Variants in DNAH8 observed in about 807,000 individuals in gnomAD.
DNAH8 encodes the protein axonemal beta dynein heavy chain 8.
In DNAH8, 382 loss-of-function variants were observed where a neutral mutation model predicts 562.1. The observed-to-expected ratio is 0.68, with a 90% CI of 0.63 to 0.74. DNAH8 has a LOEUF of 0.74. Among genes scored for constraint, DNAH8 ranks in the 30% least tolerant of loss-of-function variants. The probability of loss-of-function intolerance (pLI) is 0.00; values close to 1 mark genes in which losing one functional copy is unlikely to be tolerated. For synonymous variants in DNAH8, 1,881 were observed against 1,919.4 expected, an observed-to-expected ratio of 0.98 and a Z score of 0.52; for missense variants, 5,203 against 5,620.4, an observed-to-expected ratio of 0.93 and a Z score of 2.37.
At chr6:38,913,767 A>G (rs1781084647) in intron 66 of DNAH8, 82 bp from the exon 67 acceptor site, 6 of 968,004 alleles carry the variant, frequency 6.2e-6, no homozygotes, top group Non-Finnish European at 9.4e-6. Context: ...ACAGTGCCTA[A>G]TAAATAGTAA....
intron 20 of DNAH8, among the ~76,000 whole-genome samples, chr6:38,791,064 G>C (rs573334179): frequency 7.9e-5 from 12 of 152,196 alleles, no homozygotes; most frequent in Non-Finnish European, 1.6e-4. Context: ...TCATCAAATT[G>C]AAGATTGTCT....
At chr6:38,762,570 A>G (rs1325376240) in intron 11 of DNAH8, among the ~76,000 whole-genome samples, 3 of 152,208 alleles carry the variant, frequency 2.0e-5, no homozygotes, top group Non-Finnish European at 4.4e-5. Flanking sequence ...TTTGGCATCA[A>G]TGTCTCAGAA....
At chr6:38,867,541 G>A (rs1277471681) in intron 47 of DNAH8, among the ~76,000 whole-genome samples, 4 of 150,572 alleles carry the variant, frequency 2.7e-5, no homozygotes, top group South Asian at 4.2e-4. Context: ...TCGGGAGATC[G>A]AGACCATCCT....
chr6:38,722,738 T>C, intron 1 of DNAH8, 38 bp from the exon 2 acceptor site: 1 of 1,458,748 alleles, frequency 6.9e-7, no homozygotes, highest in South Asian at 1.5e-5. Flanking sequence ...AACACTCAAT[T>C]TACTGTAGTT....
At chr6:38,943,871 G>A (rs960983877) in intron 79 of DNAH8, among the ~76,000 whole-genome samples, 1 of 152,124 alleles carries the variant, frequency 6.6e-6, no homozygotes, top group Non-Finnish European at 1.5e-5. Context: ...CTTCACAGCA[G>A]CCAATCTGGT....
chr6:38,970,856 T>C (rs1763289097), intron 82 of DNAH8, among the ~76,000 whole-genome samples: 1 of 152,204 alleles, frequency 6.6e-6, no homozygotes, highest in African/African-American at 2.4e-5. Flanking sequence ...ACTTCTTCAT[T>C]TTAGCTAATT....
intron 21 of DNAH8, among the ~76,000 whole-genome samples, chr6:38,792,316 G>A (rs1351968872): frequency 6.6e-6 from 1 of 152,122 alleles, no homozygotes; most frequent in Admixed American, 6.5e-5. Context: ...TCGAACTCCC[G>A]ACCTCAGGTG....
At chr6:38,993,610 T>A (rs1303325257) in intron 88 of DNAH8, among the ~76,000 whole-genome samples, 1 of 152,190 alleles carries the variant, frequency 6.6e-6, no homozygotes, top group Non-Finnish European at 1.5e-5. Flanking sequence ...TCTGTGTTTC[T>A]TTTTGCATGT....
At chr6:38,720,136 G>A (rs1762630925) in intron 1 of DNAH8, among the ~76,000 whole-genome samples, 1 of 152,080 alleles carries the variant, frequency 6.6e-6, no homozygotes, top group East Asian at 1.9e-4. Flanking sequence ...TTCTCTAATG[G>A]GAAAAGTGAG....
At chr6:38,829,587 A>G (rs1016890590) in intron 30 of DNAH8, among the ~76,000 whole-genome samples, 1 of 152,214 alleles carries the variant, frequency 6.6e-6, no homozygotes, top group Non-Finnish European at 1.5e-5. Flanking sequence ...TTTACTGAAA[A>G]AACTATCCTT....
intron 4 of DNAH8, among the ~76,000 whole-genome samples, chr6:38,732,077 G>T (rs1442634449): frequency 6.6e-6 from 1 of 152,138 alleles, no homozygotes; most frequent in Non-Finnish European, 1.5e-5. Flanking sequence ...TAAAAATGTG[G>T]TTATATAATA....
rs1168116755 is a variant in DNAH8 at position 38,863,867 on chromosome 6, T to C, written c.6311-6T>C. 3 of 1,571,984 alleles carry C rather than the reference T, an allele frequency of 1.9e-6. No homozygotes were observed. The highest frequency in any genetic ancestry group is 2.2e-5 in the East Asian group (1 of 44,488). ...AACTTTACAAATTAACTGTTTTTCA[T>C]GCCAGGTCTTGCACAGTCGGGTTCC... On this transcript the variant is annotated splice_region_variant and splice_polypyrimidine_tract_variant and intron_variant, in intron 44 of 92. Coordinates refer to ENST00000327475, the MANE Select transcript of DNAH8 (RefSeq NM_001206927.2).
chr6:38,756,470 AT>A (rs1765915742), intron 10 of DNAH8, among the ~76,000 whole-genome samples: 1 of 152,250 alleles, frequency 6.6e-6, no homozygotes, highest in Non-Finnish European at 1.5e-5. Context: ...ATTTAAAATA[AT>A]TTTTTAAAAA....
At position 38,842,465 on chromosome 6, in the gene DNAH8, A is replaced by G. The variant is rs1774887891; in HGVS notation, c.4564A>G (p.Ile1522Val). 1.2e-6 allele frequency: 2 copies of G among 1,613,032 alleles called. No homozygotes were observed. Among genetic ancestry groups the G allele is most frequent in the Non-Finnish European group, 1.7e-6 (2 of 1,179,624 alleles). The stretch of plus-strand genomic sequence containing the variant: ...TGAAATACTTTGGGGAGATGTAGAT[A>G]TTGAAAAAATTAATGCAGAACTGCT... ...YYEILWGDVD[I>V]EKINAELLEF... Residue 1522 changes from isoleucine to valine, a missense_variant, in exon 34 of 93, where the codon ATT becomes GTT. Physicochemically the swap from Ile to Val is conservative, Grantham distance 29. Coordinates refer to ENST00000327475, the MANE Select transcript of DNAH8 (RefSeq NM_001206927.2).
In DNAH8 at chr6:38,907,217, A is replaced by G. The variant is rs186399351; in HGVS notation, c.9349-739A>G. 2.2e-3 allele frequency among the ~76,000 whole-genome samples: 333 copies of G among 152,326 alleles called. 2 individuals are homozygous for G. Among genetic ancestry groups the G allele is most frequent in the African/African-American group, 7.2e-3 (300 of 41,572 alleles). ...CATGGAATTGATGTTCCAGCTTCCT[A>G]TGCTTTTGCCAAGGGGCCATGCAGA... On this transcript the variant is annotated intron_variant, in intron 63 of 92. Coordinates refer to ENST00000327475, the MANE Select transcript of DNAH8 (RefSeq NM_001206927.2).
intron 61 of DNAH8, among the ~76,000 whole-genome samples, 183 bp from the exon 62 acceptor site, chr6:38,899,593 A>C (rs919852738): frequency 6.6e-6 from 1 of 152,236 alleles, no homozygotes; most frequent in African/African-American, 2.4e-5. Context: ...TGGTCAAGGA[A>C]AGATTCGAGC....
At chr6:38,913,231 T>C (rs548583262) in intron 66 of DNAH8, among the ~76,000 whole-genome samples, 7 of 152,228 alleles carry the variant, frequency 4.6e-5, no homozygotes, top group Non-Finnish European at 8.8e-5. Flanking sequence ...TGGGAGTGTT[T>C]ACACTACAGA....
In DNAH8 at chr6:38,790,283, T is replaced by C; in HGVS notation, c.2665-6T>C. The C allele has an allele frequency of 6.5e-7, 1 of 1,548,410 alleles. No homozygotes were observed. The highest frequency in any genetic ancestry group is 8.9e-7 in the Non-Finnish European group (1 of 1,123,246). ...ATAGAAGCAGTTGTGTTTTTACCGTTTCTAGGTGGAATCTGTGTTGAGGCA... is the reference window on the plus strand; with the variant it reads ...ATAGAAGCAGTTGTGTTTTTACCGTCTCTAGGTGGAATCTGTGTTGAGGCA... On this transcript the variant is annotated splice_region_variant and splice_polypyrimidine_tract_variant and intron_variant, in intron 19 of 92. Coordinates refer to ENST00000327475, the MANE Select transcript of DNAH8 (RefSeq NM_001206927.2).
intron 4 of DNAH8, among the ~76,000 whole-genome samples, chr6:38,731,025 A>G (rs1024199434): frequency 6.6e-6 from 1 of 152,116 alleles, no homozygotes; most frequent in Non-Finnish European, 1.5e-5. Context: ...TAAATATAGT[A>G]CTTGATTGTG....
Sources: gnomAD v4.1 joint callset for allele counts (sites outside exome capture counted in the v4.1 genomes callset) on GRCh38, gnomAD v4.1.1 for gene constraint, MANE v1.5 for transcripts, NCBI Gene and HGNC (gene_info 2026-07-23, HGNC 2026-07-21) for gene names.